Variants in MCF2L2 observed in about 807,000 individuals in gnomAD.
MCF2L2 encodes the protein MCF.2 cell line derived transforming sequence-like 2, also known as probable guanine nucleotide exchange factor MCF2L2.
In MCF2L2, 102 loss-of-function variants were observed where a neutral mutation model predicts 150.2. The ratio of observed to expected loss-of-function variants is 0.68; its 90% CI spans 0.58 to 0.80. MCF2L2 has a LOEUF of 0.80. Among genes scored for constraint, MCF2L2 ranks in the 30% least tolerant of loss-of-function variants. MCF2L2 has a pLI of 0.00. For synonymous variants in MCF2L2, 465 were observed against 491.3 expected, an observed-to-expected ratio of 0.95 and a Z score of 0.71; for missense variants, 1,256 against 1,372.8, an observed-to-expected ratio of 0.91 and a Z score of 1.34.
At chr3:183,361,558 C>G (rs912502325) in intron 3 of MCF2L2, among the ~76,000 whole-genome samples, 7 of 152,294 alleles carry the variant, frequency 4.6e-5, no homozygotes, top group East Asian at 3.9e-4. Flanking sequence ...GCTTGCTTCC[C>G]CTTCGCCTTC....
intron 14 of MCF2L2, among the ~76,000 whole-genome samples, chr3:183,282,580 C>T (rs1321657802): frequency 5.9e-5 from 9 of 152,216 alleles, no homozygotes; most frequent in East Asian, 3.9e-4. Context: ...TTCCCATTCC[C>T]GAACCAAGAA....
chr3:183,404,043 T>A (rs756177222), intron 1 of MCF2L2, among the ~76,000 whole-genome samples: 6 of 152,024 alleles, frequency 3.9e-5, no homozygotes, highest in Non-Finnish European at 7.4e-5. Context: ...AAACCTTTTA[T>A]GTTAAAAGAC....
chr3:183,402,715 C>A (rs1289775331), intron 1 of MCF2L2, among the ~76,000 whole-genome samples: 1 of 128,724 alleles, frequency 7.8e-6, no homozygotes, highest in Non-Finnish European at 1.7e-5. Flanking sequence ...TATGTTAGCA[C>A]TAATAAAATA....
intron 1 of MCF2L2, among the ~76,000 whole-genome samples, chr3:183,406,057 T>C (rs1310516033): frequency 1.3e-5 from 2 of 152,210 alleles, no homozygotes; most frequent in Non-Finnish European, 2.9e-5. Flanking sequence ...AAAGCTGCTA[T>C]AAATATTCAT....
chr3:183,427,905 C>T lies in MCF2L2; in HGVS notation c.73G>A (p.Val25Ile). 6.2e-7 allele frequency: 1 copy of T among 1,613,862 alleles called. No individual in the cohort carries two copies. The highest frequency in any genetic ancestry group is 8.5e-7 in the Non-Finnish European group (1 of 1,179,746). The change falls in exon 1 of 30, where the codon GTC (valine) becomes ATC (isoleucine). Residue 25 changes from valine (V) to isoleucine (I), a missense_variant. By Grantham distance (29) the Val-to-Ile change is conservative. Transcript: ENST00000328913. The part of the protein sequence containing the change: ...TRRLATVITH[V>I]DEIMQQEVRP... ...GAAAAATTAAAGCTTCGTTTACCGA[C>T]ATGAGTGATCACTGTGGCCAGTCGC... is the stretch of plus-strand genomic sequence containing the variant.
intron 25 of MCF2L2, among the ~76,000 whole-genome samples, chr3:183,196,449 T>TG (rs1357299215): frequency 1.3e-5 from 2 of 152,212 alleles, no homozygotes; most frequent in Admixed American, 1.3e-4. Context: ...CGTAAGGTAC[T>TG]GACAGTCCTG....
At chr3:183,268,660 G>A (rs1726397437) in intron 15 of MCF2L2, among the ~76,000 whole-genome samples, 1 of 152,150 alleles carries the variant, frequency 6.6e-6, no homozygotes, top group Admixed American at 6.5e-5. Context: ...GTAATCATCT[G>A]TCTACTTCCC....
intron 14 of MCF2L2, among the ~76,000 whole-genome samples, chr3:183,279,208 CTG>C (rs1278361572): frequency 7.2e-5 from 11 of 152,018 alleles, no homozygotes; most frequent in Non-Finnish European, 1.5e-4. Flanking sequence ...TACATCGTAA[CTG>C]ATGAGATATC....
chr3:183,272,995 CT>C, intron 15 of MCF2L2: 25 of 1,478,282 alleles, frequency 1.7e-5, no homozygotes, highest in Admixed American at 8.7e-5. Flanking sequence ...AAGGCACTTC[CT>C]TTTTTTCTAA....
At position 183,270,386 on chromosome 3, in the gene MCF2L2, A is replaced by G. The variant is rs1282543492; in HGVS notation, c.1862+6486T>C. ...TTCTTATGACTGCTGATGATGACAT[A>G]TTTATTCACATGCCAAATCTGATTG... On this transcript the variant is annotated intron_variant, in intron 15 of 29. Coordinates refer to ENST00000328913, the MANE Select transcript of MCF2L2 (RefSeq NM_015078.4). This position sits in a 1 kb window ranked among gnomAD's most constrained non-coding sequence, Gnocchi z 4.5. The G allele has an allele frequency of 6.2e-7, 1 of 1,614,212 alleles. No homozygotes were observed. The highest frequency in any genetic ancestry group is 8.5e-7 in the Non-Finnish European group (1 of 1,180,034).
chr3:183,331,729 G>A (rs1730279018), intron 5 of MCF2L2, among the ~76,000 whole-genome samples: 1 of 152,132 alleles, frequency 6.6e-6, no homozygotes, highest in East Asian at 1.9e-4. Context: ...GCCAGCAACA[G>A]GGACTCAGAA....
At chr3:183,369,362 C>A (rs1029170547) in intron 3 of MCF2L2, among the ~76,000 whole-genome samples, 1 of 152,198 alleles carries the variant, frequency 6.6e-6, no homozygotes, top group South Asian at 2.1e-4. Context: ...CCACTGATCA[C>A]AGAGTGGTTC....
chr3:183,318,132 G>C lies in MCF2L2; in HGVS notation c.689C>G (p.Pro230Arg), dbSNP rs41435848. ...GTCTTCCGTGGATAGCATGCTTCTG[G>C]GCAGCTCTGCTGTGGCCAGGCAGGA... ...FGSCLATAEL[P>R]RSMLSTEDLL... Residue 230 changes from proline to arginine, a missense_variant, in exon 7 of 30, where the codon CCC becomes CGC. Coordinates refer to ENST00000328913, the MANE Select transcript of MCF2L2 (RefSeq NM_015078.4). The C allele has an allele frequency of 2.5e-6, 4 of 1,614,152 alleles. No homozygotes were observed. The East Asian group carries it at 8.9e-5, about 36-fold the overall frequency.
intron 10 of MCF2L2, among the ~76,000 whole-genome samples, chr3:183,302,084 GC>G (rs1321469374): frequency 6.6e-6 from 1 of 152,092 alleles, no homozygotes; most frequent in Non-Finnish European, 1.5e-5. Flanking sequence ...TCTCTAATGA[GC>G]TCCCCTGGTA....
rs1171572355 is a variant in MCF2L2, at chr3:183,213,248, G to GAA, written c.2496+2719_2496+2720dup. On this transcript the variant is annotated intron_variant, in intron 22 of 29. Coordinates refer to ENST00000328913, the MANE Select transcript of MCF2L2 (RefSeq NM_015078.4). The stretch of plus-strand genomic sequence containing the variant: ...TGCATCTCTAATATGCATTGGATTT[G>GAA]AAAAAAAAAAAAACTTTTGTTTTTT... Among the ~76,000 whole-genome samples the GAA allele has an allele frequency of 8.4e-3, 998 of 118,936 alleles. 11 individuals are homozygous for GAA. Among genetic ancestry groups the GAA allele is most frequent in the African/African-American group, 0.027 (922 of 33,566 alleles). 78.0% of individuals were successfully genotyped at this position (118,936 alleles called of 152,430 possible).
At chr3:183,231,262 C>A (rs941766239) in intron 15 of MCF2L2, 2 of 612,262 alleles carry the variant, frequency 3.3e-6, no homozygotes, top group Non-Finnish European at 6.1e-6. Context: ...ATCCTTTAGG[C>A]AGCCAGTGAA....
At position 183,402,451 on chromosome 3, in the gene MCF2L2, C is replaced by CAAAAAAAAAAAAAAAAAAAA. The variant is rs779201489; in HGVS notation, c.77-12692_77-12673dup. ...CCTGGGCTACAGAGCGAGACTCCAT[C>CAAAAAAAAAAAAAAAAAAAA]AAAAAAAAAAAAAAAAAAAAAAGAA... is the stretch of plus-strand genomic sequence containing the variant. On this transcript the variant is annotated intron_variant, in intron 1 of 29. Transcript: ENST00000328913. Among the ~76,000 whole-genome samples the CAAAAAAAAAAAAAAAAAAAA allele has an allele frequency of 1.1e-3, 58 of 54,730 alleles. 1 individual carries two copies. The highest frequency in any genetic ancestry group is 1.8e-3 in the Non-Finnish European group (41 of 23,326). The allele number at this position is 54,730 out of a possible 152,430, so 35.9% of individuals were successfully genotyped here.
chr3:183,197,239 G>A lies in MCF2L2; in HGVS notation c.2885-1984C>T, dbSNP rs1215912918. On this transcript the variant is annotated intron_variant, in intron 25 of 29. Transcript: ENST00000328913. The surrounding 1 kb of genome is among the most constrained non-coding windows in gnomAD (Gnocchi z 4.5). ...TCATTTTAAGACTTATTAGAAAGCA[G>A]CAGTAACCAAGATAGTGAGGGACTG... Among the ~76,000 whole-genome samples the A allele has an allele frequency of 6.6e-6, 1 of 152,168 alleles. No individual in the cohort carries two copies. Among genetic ancestry groups the A allele is most frequent in the East Asian group, 1.9e-4 (1 of 5,198 alleles).
chr3:183,327,186 G>A (rs1441563809), intron 5 of MCF2L2, among the ~76,000 whole-genome samples: 8 of 151,956 alleles, frequency 5.3e-5, no homozygotes, highest in Admixed American at 2.6e-4. Flanking sequence ...TTAGCCGGGC[G>A]TGGTGGCAGT....
Sources: allele counts gnomAD v4.1 joint callset (sites outside exome capture counted in the v4.1 genomes callset), GRCh38; gene constraint gnomAD v4.1.1; non-coding constraint Gnocchi (gnomAD v3.1); transcripts MANE v1.5; gene names NCBI Gene and HGNC (gene_info 2026-07-23, HGNC 2026-07-21).